The following SUGP2 variants were observed in gnomAD, a reference collection of about 807,000 sequenced individuals.
SUGP2 encodes SURP and G-patch domain-containing protein 2.
Under a neutral mutation model 90.5 loss-of-function variants are expected in SUGP2, and 24 were observed. The ratio of observed to expected loss-of-function variants is 0.27; its 90% CI spans 0.19 to 0.37. SUGP2 has a LOEUF of 0.37. Ranked by LOEUF, SUGP2 falls within the 10% of genes least tolerant of loss-of-function variation. SUGP2 has a pLI of 1.00. For missense variants in SUGP2, 1,233 were observed against 1,363.3 expected (o/e 0.90, Z 1.51); for synonymous variants, 473 against 513.4 (o/e 0.92, Z 1.06).
intron 8 of SUGP2, 138 bp downstream of exon 8, chr19:19,001,475 T>C: frequency 8.1e-6 from 7 of 867,070 alleles, no homozygotes; most frequent in South Asian, 6.0e-5. Flanking sequence ...AAGAGAAAAG[T>C]CTCTGTTGTG....
rs563780794 is a variant in SUGP2, at chr19:19,020,058, A to T, written c.1730-829T>A. Among the ~76,000 whole-genome samples the T allele has an allele frequency of 2.9e-3, 416 of 143,130 alleles. 3 individuals are homozygous for T. The highest frequency in any genetic ancestry group is 9.6e-3 in the African/African-American group (368 of 38,420). The allele number at this position is 143,130 out of a possible 152,430, so 93.9% of individuals were successfully genotyped here. On this transcript the variant is annotated intron_variant, in intron 3 of 10. Transcript: ENST00000452918. ...ATAGAGCGAGACTCCATCACAAAAA[A>T]AAATAAATAAATAAATAAATAAAAA...
chr19:19,022,837 G>A (rs1235453156), intron 3 of SUGP2, among the ~76,000 whole-genome samples: 1 of 152,164 alleles, frequency 6.6e-6, no homozygotes, highest in Non-Finnish European at 1.5e-5. Context: ...GCTTCCTGAG[G>A]GTGGTGAAAG....
Position 19,033,455 on chromosome 19 carries a change from G to T in SUGP2, c.-30C>A, listed in dbSNP as rs1313544893. ...GCCTCACCCCGAGACCACCGCGCGC[G>T]GAGCCACCCCCGCCGCCGCCTCAGG... On this transcript the variant is annotated 5_prime_UTR_variant, in exon 1 of 11. Coordinates refer to ENST00000452918, the MANE Select transcript of SUGP2 (RefSeq NM_001017392.5). 2.1e-6 allele frequency: 3 copies of T among 1,395,514 alleles called. No individual in the cohort carries two copies. Among genetic ancestry groups the T allele is most frequent in the Non-Finnish European group, 1.9e-6 (2 of 1,074,360 alleles). 86.4% of individuals were successfully genotyped at this position (1,395,514 alleles called of 1,614,324 possible).
rs1186541208 is a variant in SUGP2 at position 19,033,486 on chromosome 19, C to T, written c.-61G>A. On this transcript the variant is annotated 5_prime_UTR_variant, in exon 1 of 11. Transcript: ENST00000452918. ...ACCCCCGCCGCCGCCTCAGGCTCCT[C>T]ACCCGCCGCCGCCGCCGCGCGAGGC... 2.8e-6 allele frequency: 4 copies of T among 1,410,110 alleles called. No homozygotes were observed. Among genetic ancestry groups the T allele is most frequent in the Admixed American group, 2.7e-5 (1 of 36,534 alleles). 87.3% of individuals were successfully genotyped at this position (1,410,110 alleles called of 1,614,324 possible).
chr19:19,024,156 T>C lies in SUGP2; in HGVS notation c.1729+463A>G, dbSNP rs370135313. ...ACAGAGTCTTGCTCTGTCACCCAGG[T>C]TGGAGTGCAGTGGGGTGATCTCAGC... is the stretch of plus-strand genomic sequence containing the variant. On this transcript the variant is annotated intron_variant, in intron 3 of 10. Coordinates refer to ENST00000452918, the MANE Select transcript of SUGP2 (RefSeq NM_001017392.5). Among the ~76,000 whole-genome samples, 37 of 152,200 alleles carry C rather than the reference T, an allele frequency of 2.4e-4. No homozygotes were observed. In the Middle Eastern group the frequency reaches 0.01, roughly 42 times the overall value.
rs904122571 is a variant in SUGP2, at chr19:18,991,413, A to G, written c.*2328T>C. 7.2e-5 allele frequency: 11 copies of G among 152,222 alleles called. No individual in the cohort carries two copies. The highest frequency in any genetic ancestry group is 2.4e-4 in the African/African-American group (10 of 41,454). The allele number at this position is 152,222 out of a possible 1,614,324, so 9.4% of individuals were successfully genotyped here. ...CAGGAGAGGTGTCCTCTGAGAGTGTAGGGGGCTTTCTAGGTTCAAGGAGAT... is the reference window on the plus strand; with the variant it reads ...CAGGAGAGGTGTCCTCTGAGAGTGTGGGGGGCTTTCTAGGTTCAAGGAGAT... On this transcript the variant is annotated 3_prime_UTR_variant, in exon 11 of 11. Transcript: ENST00000452918.
chr19:19,028,347 G>A (rs1322302611), intron 2 of SUGP2, among the ~76,000 whole-genome samples: 1 of 152,320 alleles, frequency 6.6e-6, no homozygotes. Flanking sequence ...GAGACAGAAG[G>A]CTAGTGAAGA....
intron 1 of SUGP2, among the ~76,000 whole-genome samples, chr19:19,032,156 C>CT (rs71168792): frequency 0.73 from 105,328 of 143,656 alleles, 38,344 homozygotes; most frequent in East Asian, 0.88. Flanking sequence ...AGAGATCAAT[C>CT]TTTTTTTTTT....
intron 6 of SUGP2, among the ~76,000 whole-genome samples, chr19:19,006,087 G>C (rs1482426888): frequency 6.6e-6 from 1 of 151,894 alleles, no homozygotes; most frequent in African/African-American, 2.4e-5. Flanking sequence ...AAATTAGCTG[G>C]GTGACACCTG....
chr19:19,031,890 C>G (rs1346210621), intron 1 of SUGP2, among the ~76,000 whole-genome samples: 1 of 149,470 alleles, frequency 6.7e-6, no homozygotes, highest in Non-Finnish European at 1.5e-5. Flanking sequence ...TCTCGAACTC[C>G]TGACCTCAAG....
intron 3 of SUGP2, among the ~76,000 whole-genome samples, chr19:19,023,336 TGA>T (rs1451826400): frequency 6.6e-6 from 1 of 152,184 alleles, no homozygotes. Context: ...TTTGGTTTAT[TGA>T]GAGACAGGGT....
Position 19,008,419 on chromosome 19 carries a change from T to G in SUGP2, c.2348A>C (p.Lys783Thr), listed in dbSNP as rs1224234339. Residue 783 changes from lysine to threonine, a missense_variant, in exon 6 of 11, where the codon AAG becomes ACG. Lys to Thr is a moderately conservative substitution (Grantham distance 78, BLOSUM62 -1). Coordinates refer to ENST00000452918, the MANE Select transcript of SUGP2 (RefSeq NM_001017392.5). ...SPCPSADIDM[K>T]TMETAEKLAR... ...CAGTTTCTCTGCAGTCTCCATTGTC[T>G]TCATGTCAACTACAAAACATAAAGC... 6.2e-7 allele frequency: 1 copy of G among 1,613,910 alleles called. No homozygotes were observed. Among genetic ancestry groups the G allele is most frequent in the Admixed American group, 1.7e-5 (1 of 60,018 alleles).
intron 4 of SUGP2, among the ~76,000 whole-genome samples, chr19:19,011,335 A>G (rs1719431834): frequency 6.6e-6 from 1 of 151,664 alleles, no homozygotes; most frequent in Non-Finnish European, 1.5e-5. Flanking sequence ...TTTGGTTGAG[A>G]GGACATTTCA....
At chr19:19,013,206 G>C (rs2058369580) in intron 4 of SUGP2, among the ~76,000 whole-genome samples, 1 of 152,152 alleles carries the variant, frequency 6.6e-6, no homozygotes, top group Non-Finnish European at 1.5e-5. Context: ...TATTTACATG[G>C]CTCAAAGCTA....
In SUGP2 at chr19:19,024,687, T is replaced by C. The variant is rs142680714; in HGVS notation, c.1661A>G (p.Glu554Gly). The C allele has an allele frequency of 1.2e-6, 2 of 1,614,098 alleles. No individual in the cohort carries two copies. Among genetic ancestry groups the C allele is most frequent in the African/African-American group, 2.7e-5 (2 of 74,940 alleles). Residue 554 changes from glutamate to glycine, a missense_variant, in exon 3 of 11, where the codon GAG becomes GGG. Coordinates refer to ENST00000452918, the MANE Select transcript of SUGP2 (RefSeq NM_001017392.5). ...CGTAGGAGGAATCATTTTCTCCTCC[T>C]CTCGCATCGGCTCTGGTTCGGCTTT... Reference protein sequence around the residue: ...VKKAEPEPMREEEKMIPPTKP... With the variant: ...VKKAEPEPMRGEEKMIPPTKP...
chr19:19,003,075 G>T (rs1040852825), intron 7 of SUGP2, among the ~76,000 whole-genome samples: 5 of 152,150 alleles, frequency 3.3e-5, no homozygotes, highest in Admixed American at 6.5e-5. Context: ...CCGCTAAGCT[G>T]GGATTACAGG....
chr19:19,023,919 G>A (rs1315967841), intron 3 of SUGP2, among the ~76,000 whole-genome samples: 6 of 151,720 alleles, frequency 4.0e-5, no homozygotes, highest in Admixed American at 6.6e-5. Context: ...AGGAAAGAAA[G>A]TCAACCCTTC....
At chr19:19,030,880 A>C in intron 2 of SUGP2, 71 bp downstream of exon 2, 1 of 1,497,990 alleles carries the variant, frequency 6.7e-7, no homozygotes. Context: ...AAGGTATTGT[A>C]ATCTTCCTGC....
At chr19:18,997,301 G>C (rs1328651181) in intron 8 of SUGP2, among the ~76,000 whole-genome samples, 1 of 152,072 alleles carries the variant, frequency 6.6e-6, no homozygotes, top group Non-Finnish European at 1.5e-5. Flanking sequence ...GCTGGGAGAG[G>C]AAAGGGAGAA....
Sources: gnomAD v4.1 joint callset for allele counts (sites outside exome capture counted in the v4.1 genomes callset) on GRCh38, gnomAD v4.1.1 for gene constraint, MANE v1.5 for transcripts, NCBI Gene and HGNC (gene_info 2026-07-23, HGNC 2026-07-21) for gene names.